Variants in FHIT observed in about 807,000 individuals in gnomAD.
FHIT encodes the protein bis(5'-adenosyl)-triphosphatase.
FHIT carries 19 observed loss-of-function variants against 17.9 expected under a neutral mutation model. The observed-to-expected ratio is 1.06, with a 90% CI of 0.74 to 1.56. FHIT has a LOEUF of 1.56. Among genes scored for constraint, FHIT ranks in the 40% most tolerant of loss-of-function variants. FHIT has a pLI of 0.00. For missense variants in FHIT, 248 were observed against 189.2 expected, an observed-to-expected ratio of 1.31 and a Z score of -1.82; for synonymous variants, 81 against 69.7, an observed-to-expected ratio of 1.16 and a Z score of -0.81.
intron 5 of FHIT, among the ~76,000 whole-genome samples, chr3:60,136,672 A>T (rs1239152639): frequency 6.6e-6 from 1 of 152,110 alleles, no homozygotes; most frequent in East Asian, 1.9e-4. Context: ...TAGGACCTTG[A>T]AGATTTCTAT....
rs183684321 is a variant in FHIT, at chr3:61,019,073, G to C, written c.-111+22974C>G. Reference sequence around the variant, plus strand: ...TTGCTTTTCCTGTTTTTACACAGTAGAAAAAATTAGGCTGTCTGGCCTTCC... The same window carrying C: ...TTGCTTTTCCTGTTTTTACACAGTACAAAAAATTAGGCTGTCTGGCCTTCC... On this transcript the variant is annotated intron_variant, in intron 3 of 9. Coordinates refer to ENST00000492590, the MANE Select transcript of FHIT (RefSeq NM_002012.4). Among the ~76,000 whole-genome samples, 21 of 152,226 alleles carry C rather than the reference G, an allele frequency of 1.4e-4. No individual in the cohort carries two copies. The East Asian group carries it at 4.1e-3, about 29-fold the overall frequency.
intron 7 of FHIT, among the ~76,000 whole-genome samples, chr3:59,944,193 G>C (rs1256631727): frequency 6.6e-6 from 1 of 152,142 alleles, no homozygotes; most frequent in East Asian, 1.9e-4. Flanking sequence ...TGCTGACATA[G>C]TTTATAAAAT....
intron 4 of FHIT, among the ~76,000 whole-genome samples, chr3:60,737,962 G>A (rs2042166315): frequency 6.6e-6 from 1 of 152,090 alleles, no homozygotes; most frequent in African/African-American, 2.4e-5. Context: ...ATGAACCTCG[G>A]CTAAAGGAGC....
intron 2 of FHIT, among the ~76,000 whole-genome samples, chr3:61,195,209 G>A (rs535451711): frequency 1.1e-3 from 164 of 151,898 alleles, no homozygotes; most frequent in African/African-American, 3.7e-3. Flanking sequence ...AGCAACAACC[G>A]GCTGAGCTGA....
chr3:60,875,056 A>C (rs1416340359), intron 3 of FHIT, among the ~76,000 whole-genome samples: 1 of 152,128 alleles, frequency 6.6e-6, no homozygotes, highest in Non-Finnish European at 1.5e-5. Context: ...ATGCTCAGCA[A>C]TGTTCTTTTC....
intron 5 of FHIT, among the ~76,000 whole-genome samples, chr3:60,324,547 C>A (rs1576476377): frequency 7.3e-6 from 1 of 137,674 alleles, no homozygotes; most frequent in Non-Finnish European, 1.5e-5. Context: ...ATCGCCAAGC[C>A]TGGGTGACAG....
intron 4 of FHIT, among the ~76,000 whole-genome samples, chr3:60,687,444 A>G (rs1293478827): frequency 1.3e-5 from 2 of 151,950 alleles, no homozygotes; most frequent in Non-Finnish European, 2.9e-5. Flanking sequence ...TTTTGTTATC[A>G]TTATTTCTCT....
chr3:60,744,017 T>A (rs1223737233), intron 4 of FHIT, among the ~76,000 whole-genome samples: 1 of 151,964 alleles, frequency 6.6e-6, no homozygotes, highest in East Asian at 1.9e-4. Flanking sequence ...CTTAGTTCCC[T>A]TTTCTGCCCC....
At chr3:60,832,315 T>G (rs551566203) in intron 3 of FHIT, among the ~76,000 whole-genome samples, 33 of 152,284 alleles carry the variant, frequency 2.2e-4, no homozygotes, top group Admixed American at 2.0e-3. Context: ...TTACTTGACC[T>G]AAATCACAGT....
At chr3:59,957,658 A>G (rs926517682) in intron 7 of FHIT, among the ~76,000 whole-genome samples, 20 of 152,364 alleles carry the variant, frequency 1.3e-4, no homozygotes, top group African/African-American at 4.8e-4. Context: ...CAAGTCACTG[A>G]GAAAAATATG....
intron 2 of FHIT, among the ~76,000 whole-genome samples, chr3:61,153,418 G>A (rs2037450736): frequency 6.6e-6 from 1 of 152,154 alleles, no homozygotes; most frequent in African/African-American, 2.4e-5. Flanking sequence ...GTAGAAAAGA[G>A]TGTGTAGACA....
At chr3:60,328,227 G>A (rs1044137495) in intron 5 of FHIT, among the ~76,000 whole-genome samples, 1 of 152,178 alleles carries the variant, frequency 6.6e-6, no homozygotes. Context: ...CAGAGACAGG[G>A]ATCTAGATGA....
intron 4 of FHIT, among the ~76,000 whole-genome samples, chr3:60,598,509 C>T (rs2038341884): frequency 6.6e-6 from 1 of 152,098 alleles, no homozygotes; most frequent in Non-Finnish European, 1.5e-5. Flanking sequence ...ACAAAAATCA[C>T]TTAATCTTCC....
At chr3:61,005,039 G>A (rs2031350237) in intron 3 of FHIT, among the ~76,000 whole-genome samples, 2 of 152,120 alleles carry the variant, frequency 1.3e-5, no homozygotes, top group Admixed American at 1.3e-4. Flanking sequence ...TGTTTCCTGG[G>A]TGGCTAGTAT....
At chr3:60,649,290 C>A (rs1553687626) in intron 4 of FHIT, among the ~76,000 whole-genome samples, 1 of 152,142 alleles carries the variant, frequency 6.6e-6, no homozygotes. Flanking sequence ...GTCCCAGCTA[C>A]TCAGGAGTCT....
intron 5 of FHIT, among the ~76,000 whole-genome samples, chr3:60,277,203 TA>T (rs1345351520): frequency 6.6e-6 from 1 of 152,144 alleles, no homozygotes; most frequent in Non-Finnish European, 1.5e-5. Context: ...ACCATTTGCA[TA>T]AAAATGTTTT....
intron 5 of FHIT, among the ~76,000 whole-genome samples, chr3:60,433,230 A>G (rs1191711643): frequency 6.6e-6 from 1 of 152,064 alleles, no homozygotes; most frequent in Non-Finnish European, 1.5e-5. Context: ...CATCTACATT[A>G]TCTCCTATGA....
intron 5 of FHIT, among the ~76,000 whole-genome samples, chr3:60,286,831 T>A (rs533140072): frequency 1.3e-5 from 2 of 152,278 alleles, no homozygotes; most frequent in African/African-American, 2.4e-5. Context: ...TACCATCCCA[T>A]GCACATTGCT....
At chr3:61,057,595 C>T (rs1292714727) in intron 2 of FHIT, among the ~76,000 whole-genome samples, 3 of 152,074 alleles carry the variant, frequency 2.0e-5, no homozygotes, top group East Asian at 1.9e-4. Context: ...CACCAAGGAA[C>T]GTAAAGGCCA....
Sources: gnomAD v4.1 joint callset for allele counts (sites outside exome capture counted in the v4.1 genomes callset) on GRCh38, gnomAD v4.1.1 for gene constraint, MANE v1.5 for transcripts, NCBI Gene and HGNC (gene_info 2026-07-23, HGNC 2026-07-21) for gene names.